The following METTL16 variants were observed in gnomAD, a reference collection of about 807,000 sequenced individuals.
The protein encoded by METTL16 is methyltransferase 16, RNA N6-adenosine.
A neutral mutation model predicts 57.9 loss-of-function variants in METTL16; 19 were observed. The observed-to-expected ratio is 0.33, with a 90% CI of 0.23 to 0.48. METTL16 has a LOEUF of 0.48. METTL16 is among the 20% of genes least tolerant of loss of function. METTL16 has a pLI of 0.99. For synonymous variants in METTL16, 246 were observed against 255.6 expected (o/e 0.96, Z 0.36); for missense variants, 434 against 691.5 (o/e 0.63, Z 4.18).
At chr17:2,461,652 C>T (rs1262239777) in intron 6 of METTL16, among the ~76,000 whole-genome samples, 2 of 149,316 alleles carry the variant, frequency 1.3e-5, no homozygotes, top group African/African-American at 4.9e-5. Flanking sequence ...TCTTGGTTCA[C>T]TGCAACCTCT....
chr17:2,438,730 G>T (rs1228503506), intron 7 of METTL16, among the ~76,000 whole-genome samples: 1 of 152,162 alleles, frequency 6.6e-6, no homozygotes, highest in Admixed American at 6.5e-5. Flanking sequence ...CTGACCTCAG[G>T]CGATCCGCCC....
intron 8 of METTL16, among the ~76,000 whole-genome samples, chr17:2,430,955 T>C (rs2066869684): frequency 6.6e-6 from 1 of 151,914 alleles, no homozygotes; most frequent in Non-Finnish European, 1.5e-5. Flanking sequence ...ATAATTATTA[T>C]TATTTTTGAG....
intron 6 of METTL16, among the ~76,000 whole-genome samples, chr17:2,459,556 GA>G (rs1260413291): frequency 6.6e-6 from 1 of 152,180 alleles, no homozygotes; most frequent in Non-Finnish European, 1.5e-5. Flanking sequence ...GGGACAAGGA[GA>G]AAAACATTCT....
rs762278263 is a variant in METTL16, at chr17:2,490,239, CT to C, written c.128+11964del. On this transcript the variant is annotated intron_variant, in intron 2 of 9. Transcript: ENST00000263092. ...AAACACATTTAATTACATAATTCCA[CT>C]TTTTTTTTAACTAAATATGTAAACT... 2.8e-4 allele frequency among the ~76,000 whole-genome samples: 42 copies of C among 151,294 alleles called. No individual in the cohort carries two copies. In the South Asian group the frequency reaches 2.9e-3, roughly 11 times the overall value.
chr17:2,463,499 T>C (rs971813080), intron 6 of METTL16, among the ~76,000 whole-genome samples: 4 of 152,148 alleles, frequency 2.6e-5, no homozygotes, highest in African/African-American at 9.7e-5. Context: ...TCTTACTCTC[T>C]CACCCAGGCT....
chr17:2,473,109 G>GA (rs1346976095), intron 4 of METTL16, among the ~76,000 whole-genome samples: 2 of 152,072 alleles, frequency 1.3e-5, no homozygotes, highest in African/African-American at 4.8e-5. Flanking sequence ...GATATACAGG[G>GA]AATCTCTGAA....
rs532653258 is a variant in METTL16, at chr17:2,507,941, G to C, written c.-1+3818C>G. 7.2e-5 allele frequency among the ~76,000 whole-genome samples: 11 copies of C among 152,250 alleles called. 2 individuals are homozygous for C. In the South Asian group the frequency reaches 2.3e-3, roughly 32 times the overall value. On this transcript the variant is annotated intron_variant, in intron 1 of 9. Coordinates refer to ENST00000263092, the MANE Select transcript of METTL16 (RefSeq NM_024086.4). ...TGCTTGAAGGCAGCATGCTCCTTAAGAGTCATCACCACTCCCTAATCTCAA... is the reference window on the plus strand; with the variant it reads ...TGCTTGAAGGCAGCATGCTCCTTAACAGTCATCACCACTCCCTAATCTCAA...
In METTL16 at chr17:2,503,280, T is replaced by A. The variant is rs1208040966; in HGVS notation, c.1-949A>T. Among the ~76,000 whole-genome samples the A allele has an allele frequency of 2.6e-5, 4 of 152,124 alleles. No individual in the cohort carries two copies. The East Asian group carries it at 7.7e-4, about 29-fold the overall frequency. On this transcript the variant is annotated intron_variant, in intron 1 of 9. Coordinates refer to ENST00000263092, the MANE Select transcript of METTL16 (RefSeq NM_024086.4). ...ATATGGATCAACAAAATACAGTATA[T>A]CCATACCCTAAATATGGATCAACAA...
chr17:2,466,976 T>C (rs1243347945), intron 5 of METTL16, among the ~76,000 whole-genome samples: 1 of 152,006 alleles, frequency 6.6e-6, no homozygotes, highest in Non-Finnish European at 1.5e-5. Flanking sequence ...TTAATTGTTT[T>C]TGTAGTTTTT....
chr17:2,452,505 A>C (rs546839639), intron 6 of METTL16, among the ~76,000 whole-genome samples: 97 of 152,324 alleles, frequency 6.4e-4, no homozygotes, highest in Non-Finnish European at 1.1e-3. Context: ...TGGAAAAAAA[A>C]ATGAAGAAAA....
intron 6 of METTL16, among the ~76,000 whole-genome samples, chr17:2,458,116 C>T (rs1176394974): frequency 6.6e-6 from 1 of 152,140 alleles, no homozygotes; most frequent in Non-Finnish European, 1.5e-5. Flanking sequence ...CTGAGCTCAA[C>T]TGATCGTCCT....
At chr17:2,441,792 C>T (rs1020008808) in intron 6 of METTL16, among the ~76,000 whole-genome samples, 1 of 152,186 alleles carries the variant, frequency 6.6e-6, no homozygotes, top group Admixed American at 6.5e-5. Flanking sequence ...TACTTAGCCT[C>T]TCCAATGCTT....
rs959293299 is a variant in METTL16, at chr17:2,420,453, G to C, written c.1206C>G (p.Val402=). 7 of 1,614,014 alleles carry C rather than the reference G, an allele frequency of 4.3e-6. No homozygotes were observed. Among genetic ancestry groups the C allele is most frequent in the Admixed American group, 3.3e-5 (2 of 60,000 alleles). ...GCTTTTTCTCTTCCAAGGCCTGAAT[G>C]ACGTCCTCAGGAGCTCGGGGAACTT... ...LREVPRAPED[V]IQALEEKKPT... The change falls in exon 10 of 10, where the codon GTC becomes GTG. Residue 402 remains valine, a synonymous_variant. Transcript: ENST00000263092. The surrounding 1 kb of genome is among the most constrained non-coding windows in gnomAD (Gnocchi z 5.4).
chr17:2,445,223 C>T (rs1471987887), intron 6 of METTL16, among the ~76,000 whole-genome samples: 1 of 152,076 alleles, frequency 6.6e-6, no homozygotes, highest in Non-Finnish European at 1.5e-5. Flanking sequence ...TACCACTGTG[C>T]TAAAACTGCC....
chr17:2,464,186 T>C (rs760580416), intron 6 of METTL16, 22 bp downstream of exon 6: 2 of 1,604,492 alleles, frequency 1.2e-6, no homozygotes, highest in Admixed American at 1.7e-5. Context: ...AGATGGACTC[T>C]ATGTTGTAAA....
At chr17:2,446,107 A>G (rs190509265) in intron 6 of METTL16, among the ~76,000 whole-genome samples, 246 of 152,310 alleles carry the variant, frequency 1.6e-3, no homozygotes, top group Non-Finnish European at 2.3e-3. Flanking sequence ...AACAGACTAG[A>G]AATAGAAGAA....
intron 8 of METTL16, chr17:2,424,470 TG>T (rs1324703932): frequency 6.6e-6 from 1 of 152,212 alleles, no homozygotes; most frequent in Non-Finnish European, 1.5e-5. Flanking sequence ...CAGGCTGGTC[TG>T]GAACTCATAG....
intron 8 of METTL16, among the ~76,000 whole-genome samples, chr17:2,427,216 A>G (rs529104445): frequency 1.3e-5 from 2 of 152,368 alleles, no homozygotes; most frequent in East Asian, 3.9e-4. Context: ...GAAGAAGTAA[A>G]GGATTAGGGT....
At chr17:2,467,446 GAT>G (rs781772176) in intron 5 of METTL16, among the ~76,000 whole-genome samples, 1 of 151,794 alleles carries the variant, frequency 6.6e-6, no homozygotes, top group Non-Finnish European at 1.5e-5. Context: ...TTCTTTTTGA[GAT>G]AGAGTCTTGC....
Sources: gnomAD v4.1 joint callset for allele counts (sites outside exome capture counted in the v4.1 genomes callset) on GRCh38, gnomAD v4.1.1 for gene constraint, Gnocchi (gnomAD v3.1) non-coding constraint, MANE v1.5 for transcripts, NCBI Gene and HGNC (gene_info 2026-07-23, HGNC 2026-07-21) for gene names.